The following WDR86 variants were observed in gnomAD, a reference collection of about 807,000 sequenced individuals.
The protein encoded by WDR86 is WD repeat-containing protein 86.
In WDR86, 30 loss-of-function variants were observed where a neutral mutation model predicts 36.5. That is an observed-to-expected ratio of 0.82 (90% CI 0.61 to 1.11). The LOEUF (loss-of-function observed/expected upper bound fraction) is 1.11. Ranked by LOEUF, WDR86 falls within the 50% of genes most tolerant of loss-of-function variation. WDR86 has a pLI of 0.00. For missense variants in WDR86, 545 were observed against 561.2 expected (o/e 0.97, Z 0.29); for synonymous variants, 255 against 252.9 (o/e 1.01, Z -0.08).
chr7:151,376,944 A>C, downstream of WDR86: 1 of 1,396,496 alleles, frequency 7.2e-7, no homozygotes, highest in Non-Finnish European at 9.6e-7. Context: ...CCACCTGGAC[A>C]GTGTGGCCAG....
chr7:151,409,057 G>A lies in WDR86; in HGVS notation c.163+370C>T, dbSNP rs981214799. ...CCACAAAGAGGCCACAAGGCACCTA[G>A]AGACAAGGGAAGGTTTGCTTAGAAG... On this transcript the variant is annotated intron_variant, in intron 1 of 5. Transcript: ENST00000334493. This position sits in a 1 kb window ranked among gnomAD's most constrained non-coding sequence, Gnocchi z 5.2. The A allele has an allele frequency of 1.9e-5, 10 of 517,220 alleles. No individual in the cohort carries two copies. Among genetic ancestry groups the A allele is most frequent in the Non-Finnish European group, 3.1e-5 (8 of 257,800 alleles). 32.0% of individuals were successfully genotyped at this position (517,220 alleles called of 1,614,324 possible). A position where few individuals can be genotyped will look rare whatever the true frequency, so the allele number is the denominator to read the frequency against.
downstream of WDR86, among the ~76,000 whole-genome samples, chr7:151,380,790 C>T (rs1347714658): frequency 6.6e-6 from 1 of 151,536 alleles, no homozygotes; most frequent in Non-Finnish European, 1.5e-5. Flanking sequence ...CCGCCCCCAC[C>T]CCTCCTTCCA....
intron 3 of WDR86, among the ~76,000 whole-genome samples, chr7:151,393,574 C>T (rs533312837): frequency 3.9e-5 from 6 of 152,296 alleles, no homozygotes; most frequent in East Asian, 3.9e-4. Context: ...TCCTCTTTCA[C>T]TGGTGACATG....
the WDR86 span, among the ~76,000 whole-genome samples, chr7:151,369,890 A>G: frequency 6.6e-6 from 1 of 152,314 alleles, no homozygotes; most frequent in East Asian, 1.9e-4. Context: ...TGGGAGCAGG[A>G]AAGCCCCGTG....
At chr7:151,371,363 A>ACCCCCC (rs57489077), downstream of WDR86, among the ~76,000 whole-genome samples, 3 of 118,768 alleles carry the variant, frequency 2.5e-5, no homozygotes, top group Non-Finnish European at 5.1e-5. Context: ...TTTTACCCCC[A>ACCCCCC]CCCCCCACCC....
chr7:151,398,941 G>A (rs62490302), intron 2 of WDR86, among the ~76,000 whole-genome samples: 1 of 151,928 alleles, frequency 6.6e-6, no homozygotes, highest in Admixed American at 6.5e-5. Flanking sequence ...TTCTTTCATG[G>A]CAAACTTCTT....
rs757751538 is a variant in WDR86 at position 151,381,474 on chromosome 7, G to T, written c.*108C>A. Reference sequence around the variant, plus strand: ...GCTCTCCTCCCGCCCGGGCTTCCTCGCTCCTCGCCCCTCGCCGGCCATCGG... The same window carrying T: ...GCTCTCCTCCCGCCCGGGCTTCCTCTCTCCTCGCCCCTCGCCGGCCATCGG... On this transcript the variant is annotated 3_prime_UTR_variant, in exon 6 of 6. Coordinates refer to ENST00000334493, the MANE Select transcript of WDR86 (RefSeq NM_198285.3). The surrounding 1 kb of genome is among the most constrained non-coding windows in gnomAD (Gnocchi z 4.8). 1 of 1,479,244 alleles carries T rather than the reference G, an allele frequency of 6.8e-7. No homozygotes were observed. Among genetic ancestry groups the T allele is most frequent in the South Asian group, 1.3e-5 (1 of 78,488 alleles). 91.6% of individuals were successfully genotyped at this position (1,479,244 alleles called of 1,614,324 possible).
At chr7:151,381,107 AGAG>A, downstream of WDR86, 1 of 1,208,482 alleles carries the variant, frequency 8.3e-7, no homozygotes, top group East Asian at 3.2e-5. The surrounding 1 kb of genome is among the most constrained non-coding windows in gnomAD (Gnocchi z 4.8). Flanking sequence ...CAAAACAAAA[AGAG>A]GACACAGGAG....
intron 1 of WDR86, chr7:151,408,653 G>A: frequency 3.4e-6 from 1 of 298,400 alleles, no homozygotes; most frequent in South Asian, 3.2e-5. Context: ...AGAAAGCCTC[G>A]CGGCTCATCC....
At chr7:151,382,218 G>T (rs1312884258) in intron 4 of WDR86, among the ~76,000 whole-genome samples, 1 of 152,170 alleles carries the variant, frequency 6.6e-6, no homozygotes, top group Non-Finnish European at 1.5e-5. Flanking sequence ...GCTGAACACC[G>T]CCCGGGCCCA....
At chr7:151,384,409 A>C (rs1453633259) in intron 4 of WDR86, among the ~76,000 whole-genome samples, 17 of 152,232 alleles carry the variant, frequency 1.1e-4, no homozygotes, top group Admixed American at 1.0e-3. Flanking sequence ...TCCAGGAAAG[A>C]TCTTAAAGGA....
chr7:151,395,439 G>A (rs992152114), intron 3 of WDR86, among the ~76,000 whole-genome samples: 6 of 151,782 alleles, frequency 4.0e-5, no homozygotes, highest in Non-Finnish European at 8.8e-5. Context: ...GTTAAAATGA[G>A]TTCATAGGGG....
intron 1 of WDR86, among the ~76,000 whole-genome samples, chr7:151,400,955 T>C (rs915931988): frequency 2.6e-5 from 4 of 152,184 alleles, no homozygotes; most frequent in Admixed American, 6.5e-5. Context: ...CTCATTACAA[T>C]AGTAAAAAAC....
intron 1 of WDR86, among the ~76,000 whole-genome samples, chr7:151,407,945 A>G (rs1584800912): frequency 6.6e-6 from 1 of 151,634 alleles, no homozygotes; most frequent in South Asian, 2.1e-4. Context: ...AACACCACCC[A>G]CCCCTCTACC....
chr7:151,374,318 C>T, downstream of WDR86: 1 of 1,504,316 alleles, frequency 6.6e-7, no homozygotes, highest in South Asian at 1.2e-5. Flanking sequence ...CATGGCTCTC[C>T]AGCATCCTCC....
intron 1 of WDR86, among the ~76,000 whole-genome samples, chr7:151,403,605 C>T (rs1395500931): frequency 6.6e-6 from 1 of 152,146 alleles, no homozygotes; most frequent in Non-Finnish European, 1.5e-5. Flanking sequence ...AGGGCATATA[C>T]CAGGCCGCTA....
chr7:151,409,565 T>A lies in WDR86; in HGVS notation c.25A>T (p.Arg9Trp). The A allele has an allele frequency of 6.9e-7, 1 of 1,442,872 alleles. No individual in the cohort carries two copies. The highest frequency in any genetic ancestry group is 9.1e-7 in the Non-Finnish European group (1 of 1,100,890). 89.4% of individuals were successfully genotyped at this position (1,442,872 alleles called of 1,614,324 possible). A position where few individuals can be genotyped will look rare whatever the true frequency, so the allele number is the denominator to read the frequency against. ...CCCCCGCGGTGGTCGGCGCAGACCC[T>A]CAGGGCCGACCCGCCGCCCCCCATC... The part of the protein sequence containing the change: MGGGGSAL[R>W]VCADHRGGIN... The change falls in exon 1 of 6, where the codon AGG becomes TGG. Residue 9 changes from arginine to tryptophan, a missense_variant. By Grantham distance (101) the Arg-to-Trp change is moderately radical (BLOSUM62 -3). Coordinates refer to ENST00000334493, the MANE Select transcript of WDR86 (RefSeq NM_198285.3). The surrounding 1 kb of genome is among the most constrained non-coding windows in gnomAD (Gnocchi z 5.2).
chr7:151,401,746 G>T lies in WDR86; in HGVS notation c.164-1505C>A, dbSNP rs554541992. Among the ~76,000 whole-genome samples the T allele has an allele frequency of 6.6e-6, 1 of 151,898 alleles. No individual in the cohort carries two copies. The highest frequency in any genetic ancestry group is 2.4e-5 in the African/African-American group (1 of 41,442). Reference sequence around the variant, plus strand: ...GGAGATTATCCTAGATTATCCGGGGGGTCCTAAATACAACCGCAAGTGGCC... The same window carrying T: ...GGAGATTATCCTAGATTATCCGGGGTGTCCTAAATACAACCGCAAGTGGCC... On this transcript the variant is annotated intron_variant, in intron 1 of 5. Transcript: ENST00000334493. This position sits in a 1 kb window ranked among gnomAD's most constrained non-coding sequence, Gnocchi z 4.3.
chr7:151,397,126 G>A (rs1799879856), intron 2 of WDR86, among the ~76,000 whole-genome samples: 1 of 152,336 alleles, frequency 6.6e-6, no homozygotes, highest in South Asian at 2.1e-4. Context: ...CAAGGGGTGC[G>A]GCCGTGGCTG....
Sources: gnomAD v4.1 joint callset for allele counts (sites outside exome capture counted in the v4.1 genomes callset) on GRCh38, gnomAD v4.1.1 for gene constraint, Gnocchi (gnomAD v3.1) non-coding constraint, MANE v1.5 for transcripts, NCBI Gene and HGNC (gene_info 2026-07-23, HGNC 2026-07-21) for gene names.